TSHZ2: variants seen among roughly 807,000 people sequenced by gnomAD.
TSHZ2 encodes teashirt homolog 2.
In TSHZ2, 21 loss-of-function variants were observed where a neutral mutation model predicts 74.4. The ratio of observed to expected loss-of-function variants is 0.28; its 90% CI spans 0.20 to 0.41. TSHZ2 has a LOEUF of 0.41. TSHZ2 is among the 10% of genes least tolerant of loss of function. The probability of loss-of-function intolerance (pLI) is 1.00; values close to 1 mark genes in which losing one functional copy is unlikely to be tolerated. For missense variants in TSHZ2, 1,244 were observed against 1,293.5 expected (o/e 0.96, Z 0.59); for synonymous variants, 540 against 515.3 (o/e 1.05, Z -0.65).
intron 2 of TSHZ2, among the ~76,000 whole-genome samples, chr20:53,423,904 G>T (rs976145827): frequency 1.3e-5 from 2 of 152,186 alleles, no homozygotes; most frequent in Admixed American, 1.3e-4. Context: ...TCACGCCCAG[G>T]GGGTGGTGCT....
intron 2 of TSHZ2, among the ~76,000 whole-genome samples, chr20:53,420,798 A>T (rs1290754929): frequency 6.6e-6 from 1 of 152,054 alleles, no homozygotes; most frequent in Non-Finnish European, 1.5e-5. Context: ...GGGTCCAATA[A>T]ATTTTTGTTA....
rs559246067 is a variant in TSHZ2 at position 52,992,848 on chromosome 20, C to T, written c.40+19515C>T. On this transcript the variant is annotated intron_variant, in intron 1 of 2. Transcript: ENST00000371497. ...ACTGGAAGCAAAGTTATAGCATCAA[C>T]ATCTGTGTTTCCAATCACTTAGATG... 1.3e-3 allele frequency among the ~76,000 whole-genome samples: 192 copies of T among 152,328 alleles called. 1 individual carries two copies. The highest frequency in any genetic ancestry group is 4.1e-3 in the African/African-American group (170 of 41,570).
chr20:53,052,005 A>G (rs1984485685), intron 1 of TSHZ2, among the ~76,000 whole-genome samples: 2 of 152,108 alleles, frequency 1.3e-5, no homozygotes, highest in African/African-American at 2.4e-5. Context: ...ATTGCAATTT[A>G]TCATCTGGAA....
intron 1 of TSHZ2, among the ~76,000 whole-genome samples, chr20:53,012,416 G>A (rs1365574776): frequency 4.6e-5 from 7 of 152,130 alleles, no homozygotes; most frequent in African/African-American, 1.7e-4. Context: ...GATTTGTTAG[G>A]AATGCACAAT....
chr20:53,402,758 G>T (rs1982712942), intron 2 of TSHZ2, among the ~76,000 whole-genome samples: 1 of 152,102 alleles, frequency 6.6e-6, no homozygotes, highest in African/African-American at 2.4e-5. Flanking sequence ...AGAGTCCCCG[G>T]GGCACAAACA....
At chr20:53,312,029 T>A (rs1476579603) in intron 2 of TSHZ2, among the ~76,000 whole-genome samples, 1 of 152,182 alleles carries the variant, frequency 6.6e-6, no homozygotes, top group South Asian at 2.1e-4. Context: ...TGCAGTGAAC[T>A]ATGATCCTGC....
chr20:53,151,677 T>C (rs919777803), intron 1 of TSHZ2, among the ~76,000 whole-genome samples: 2 of 152,216 alleles, frequency 1.3e-5, no homozygotes, highest in African/African-American at 2.4e-5. Context: ...AAAAAAACTT[T>C]TGGTATTCAG....
intron 1 of TSHZ2, among the ~76,000 whole-genome samples, chr20:53,160,327 A>C (rs1483876346): frequency 6.6e-6 from 1 of 152,214 alleles, no homozygotes; most frequent in Non-Finnish European, 1.5e-5. Context: ...TCAGGAGTCC[A>C]CATCAAATCC....
chr20:53,193,470 C>T (rs960094732), intron 1 of TSHZ2, among the ~76,000 whole-genome samples: 2 of 152,086 alleles, frequency 1.3e-5, no homozygotes, highest in Non-Finnish European at 2.9e-5. Context: ...CCTTTTGTAA[C>T]ATTCATCCTA....
chr20:53,399,007 A>G (rs1369223044), intron 2 of TSHZ2: 1 of 152,236 alleles, frequency 6.6e-6, no homozygotes, highest in East Asian at 1.9e-4. Context: ...TAAGACTGTG[A>G]AACCTATTTT....
At chr20:52,994,412 GAGTA>G (rs1982099553) in intron 1 of TSHZ2, among the ~76,000 whole-genome samples, 3 of 151,456 alleles carry the variant, frequency 2.0e-5, no homozygotes, top group African/African-American at 2.4e-5. Flanking sequence ...ATGGATGGAT[GAGTA>G]GATGGATGGA....
intron 1 of TSHZ2, among the ~76,000 whole-genome samples, chr20:53,106,961 G>T (rs545745040): frequency 6.6e-6 from 1 of 152,208 alleles, no homozygotes; most frequent in East Asian, 1.9e-4. Flanking sequence ...GCCTCCCAAA[G>T]TCCTGGGATT....
At chr20:53,169,549 T>A (rs1988142491) in intron 1 of TSHZ2, among the ~76,000 whole-genome samples, 1 of 152,224 alleles carries the variant, frequency 6.6e-6, no homozygotes. Flanking sequence ...TTTAACTACA[T>A]CGCCAAGGCT....
chr20:52,996,812 T>G (rs1450542205), intron 1 of TSHZ2, among the ~76,000 whole-genome samples: 2 of 152,306 alleles, frequency 1.3e-5, no homozygotes, highest in Non-Finnish European at 2.9e-5. Flanking sequence ...CTGAATCATT[T>G]GTGCATCCAA....
intron 2 of TSHZ2, among the ~76,000 whole-genome samples, chr20:53,341,712 CA>C (rs1185128466): frequency 6.6e-6 from 1 of 151,870 alleles, no homozygotes; most frequent in African/African-American, 2.4e-5. Context: ...CTTTGTGGGG[CA>C]GGGGGGTGCG....
At chr20:53,226,583 A>G (rs1010527039) in intron 1 of TSHZ2, among the ~76,000 whole-genome samples, 2 of 152,142 alleles carry the variant, frequency 1.3e-5, no homozygotes, top group Non-Finnish European at 2.9e-5. Flanking sequence ...AAACCAGGGA[A>G]TGATTTGGAA....
chr20:53,054,978 A>G (rs1984590366), intron 1 of TSHZ2, among the ~76,000 whole-genome samples: 1 of 152,196 alleles, frequency 6.6e-6, no homozygotes, highest in Admixed American at 6.5e-5. Context: ...CAGTTCTCTC[A>G]AGGGAAGCCA....
intron 1 of TSHZ2, among the ~76,000 whole-genome samples, chr20:53,183,357 G>A (rs547719305): frequency 1.4e-4 from 21 of 152,252 alleles, no homozygotes; most frequent in Non-Finnish European, 2.5e-4. Flanking sequence ...CATCCTCTGC[G>A]TCCCTGAGTG....
chr20:53,151,522 C>T (rs552442393), intron 1 of TSHZ2, among the ~76,000 whole-genome samples: 1 of 152,092 alleles, frequency 6.6e-6, no homozygotes, highest in African/African-American at 2.4e-5. Flanking sequence ...ATAATATCTT[C>T]AGGAAGGAAG....
Sources: allele counts gnomAD v4.1 joint callset (sites outside exome capture counted in the v4.1 genomes callset), GRCh38; gene constraint gnomAD v4.1.1; transcripts MANE v1.5; gene names NCBI Gene and HGNC (gene_info 2026-07-23, HGNC 2026-07-21).